The following AMACR variants were observed in gnomAD, a reference collection of about 807,000 sequenced individuals.
The protein encoded by AMACR is alpha-methylacyl-CoA racemase.
Under a neutral mutation model 22.2 loss-of-function variants are expected in AMACR, and 18 were observed. That is an observed-to-expected ratio of 0.81 (90% CI 0.56 to 1.20). The LOEUF (loss-of-function observed/expected upper bound fraction) is 1.20, where lower values mean the gene tolerates loss of function less well. AMACR is among the 50% of genes most tolerant of loss of function. The pLI is 0.00. For missense variants in AMACR, 499 were observed against 490.6 expected (o/e 1.02, Z -0.16); for synonymous variants, 213 against 191.3 (o/e 1.11, Z -0.94).
In AMACR at chr5:33,989,036, T is replaced by A. The variant is rs1579569628; in HGVS notation, c.*57A>T. The A allele has an allele frequency of 6.2e-7, 1 of 1,611,094 alleles. No individual in the cohort carries two copies. Among genetic ancestry groups the A allele is most frequent in the Non-Finnish European group, 8.5e-7 (1 of 1,178,832 alleles). ...ATGTTTCCATGCATACAATGTTATG[T>A]GTTACTCTACACTGTAAATGCAGTA... On this transcript the variant is annotated 3_prime_UTR_variant, in exon 5 of 5. Transcript: ENST00000335606.
intron 4 of AMACR, among the ~76,000 whole-genome samples, chr5:33,989,886 A>C (rs1328627700): frequency 6.6e-6 from 1 of 152,258 alleles, no homozygotes; most frequent in Non-Finnish European, 1.5e-5. Flanking sequence ...CCTTATAAAA[A>C]AATAAAATAT....
At chr5:33,995,713 C>A (rs576471505) in intron 4 of AMACR, among the ~76,000 whole-genome samples, 1 of 152,234 alleles carries the variant, frequency 6.6e-6, no homozygotes, top group East Asian at 1.9e-4. Context: ...CAGGATACAC[C>A]AAGGAAGGGA....
In AMACR at chr5:33,988,050, C is replaced by T. The variant is rs981381796; in HGVS notation, c.*1043G>A. On this transcript the variant is annotated 3_prime_UTR_variant, in exon 5 of 5. Transcript: ENST00000335606. ...TTGTTGAACGGCAGTTGAGATACTG[C>T]GCAGAATGGACCTTATTGATGGCCT... The T allele has an allele frequency of 3.4e-5, 11 of 323,240 alleles. No individual in the cohort carries two copies. Among genetic ancestry groups the T allele is most frequent in the South Asian group, 1.0e-4 (1 of 9,814 alleles). 20.0% of individuals were successfully genotyped at this position (323,240 alleles called of 1,614,324 possible).
Position 33,989,431 on chromosome 5 carries a change from ACTT to A in AMACR, c.808_810del (p.Lys270del), listed in dbSNP as rs926526433. 7 of 1,614,004 alleles carry A rather than the reference ACTT, an allele frequency of 4.3e-6. No individual in the cohort carries two copies. Among genetic ancestry groups the A allele is most frequent in the African/African-American group, 2.7e-5 (2 of 74,900 alleles). ...GTCTTCTCTGCAAATACATCTGCAA[ACTT>A]CTTCTTCATTTCTGGCCAATCATCC... On this transcript the variant is annotated inframe_deletion, in exon 5 of 5. Transcript: ENST00000335606.
Position 33,988,468 on chromosome 5 carries a change from C to A in AMACR, c.*625G>T. 6.6e-7 allele frequency: 1 copy of A among 1,509,854 alleles called. No homozygotes were observed. Among genetic ancestry groups the A allele is most frequent in the South Asian group, 1.3e-5 (1 of 79,508 alleles). 93.5% of individuals were successfully genotyped at this position (1,509,854 alleles called of 1,614,324 possible). ...ACAGGCAACCCTAAAACTGACTGTC[C>A]CTCTGGACTCTACGTAGTGAGCCAA... On this transcript the variant is annotated 3_prime_UTR_variant, in exon 5 of 5. Coordinates refer to ENST00000335606, the MANE Select transcript of AMACR (RefSeq NM_014324.6).
rs567350158 is a variant in AMACR, at chr5:34,000,818, A to G, written c.553-1991T>C. On this transcript the variant is annotated intron_variant, in intron 3 of 4. Coordinates refer to ENST00000335606, the MANE Select transcript of AMACR (RefSeq NM_014324.6). ...TTCCAGTGTTTGTGTTTAGCAGAAC[A>G]GCTTCGTTGGTCTGACAAAATAATA... is the stretch of plus-strand genomic sequence containing the variant. Among the ~76,000 whole-genome samples the G allele has an allele frequency of 1.1e-4, 17 of 152,374 alleles. No homozygotes were observed. In the South Asian group the frequency reaches 3.3e-3, roughly 30 times the overall value.
intron 4 of AMACR, among the ~76,000 whole-genome samples, chr5:33,994,780 CA>C (rs1753588241): frequency 6.6e-6 from 1 of 152,088 alleles, no homozygotes; most frequent in South Asian, 2.1e-4. Context: ...AGGGGAGTTA[CA>C]AAGTTTAAAC....
At chr5:33,994,288 C>T (rs750667384) in intron 4 of AMACR, among the ~76,000 whole-genome samples, 29 of 152,142 alleles carry the variant, frequency 1.9e-4, no homozygotes, top group Non-Finnish European at 2.9e-4. Context: ...AAGTGATTCT[C>T]GTGCCTCAGC....
At position 33,988,978 on chromosome 5, in the gene AMACR, T is replaced by TTTTTTTTTTTTTTTTTTA; in HGVS notation, c.*114_*115insTAAAAAAAAAAAAAAAAA. ...CAGAGTCTGTAATTCTTTTCTTGAT[T>TTTTTTTTTTTTTTTTTTA]AGAGTGGTAGGACACTGTAATACTG... is the stretch of plus-strand genomic sequence containing the variant. On this transcript the variant is annotated 3_prime_UTR_variant, in exon 5 of 5. Coordinates refer to ENST00000335606, the MANE Select transcript of AMACR (RefSeq NM_014324.6). 6.5e-7 allele frequency: 1 copy of TTTTTTTTTTTTTTTTTTA among 1,533,610 alleles called. No homozygotes were observed. The highest frequency in any genetic ancestry group is 1.2e-5 in the South Asian group (1 of 81,526).
rs1012952543 is a variant in AMACR at position 33,988,800 on chromosome 5, T to C, written c.*293A>G. On this transcript the variant is annotated 3_prime_UTR_variant, in exon 5 of 5. Transcript: ENST00000335606. The stretch of plus-strand genomic sequence containing the variant: ...TCATTCCTTTTTCACTAGAACCCAT[T>C]CAAAATATAAGTCAAGAATCTTAAT... The C allele has an allele frequency of 1.6e-6, 2 of 1,263,072 alleles. No homozygotes were observed. The highest frequency in any genetic ancestry group is 2.0e-6 in the Non-Finnish European group (2 of 1,000,734). The allele number at this position is 1,263,072 out of a possible 1,614,324, so 78.2% of individuals were successfully genotyped here.
intron 4 of AMACR, among the ~76,000 whole-genome samples, chr5:33,991,914 TA>T (rs971507773): frequency 1.1e-4 from 17 of 152,064 alleles, no homozygotes; most frequent in African/African-American, 3.9e-4. Context: ...AGTCTCACAC[TA>T]TTGCCTGGGC....
rs1753543247 is a variant in AMACR, at chr5:33,993,440, TA to T, written c.740-3939del. Among the ~76,000 whole-genome samples the T allele has an allele frequency of 3.3e-5, 5 of 152,200 alleles. No homozygotes were observed. In the South Asian group the frequency reaches 1.0e-3, roughly 32 times the overall value. ...CCTCCAATTCTTTTGGTTATATACT[TA>T]GAAGTGGAATTGCTAGATCATACAA... On this transcript the variant is annotated intron_variant, in intron 4 of 4. Transcript: ENST00000335606.
intron 4 of AMACR, chr5:33,994,064 T>A (rs1207876934): frequency 2.2e-6 from 1 of 456,112 alleles, no homozygotes; most frequent in Non-Finnish European, 4.4e-6. Context: ...CTTAAAAAGA[T>A]TTTGCATACT....
chr5:33,988,518 T>C lies in AMACR; in HGVS notation c.*575A>G. The C allele has an allele frequency of 4.3e-6, 6 of 1,404,546 alleles. No homozygotes were observed. The highest frequency in any genetic ancestry group is 2.9e-5 in the Admixed American group (1 of 34,334). The allele number at this position is 1,404,546 out of a possible 1,614,324, so 87.0% of individuals were successfully genotyped here. A position where few individuals can be genotyped will look rare whatever the true frequency, so the allele number is the denominator to read the frequency against. On this transcript the variant is annotated 3_prime_UTR_variant, in exon 5 of 5. Coordinates refer to ENST00000335606, the MANE Select transcript of AMACR (RefSeq NM_014324.6). The stretch of plus-strand genomic sequence containing the variant: ...ACACATTTCCTCATTATTTTGGATA[T>C]GTTTTTTTCAGTTGAAGGCATTCTG...
intron 4 of AMACR, 113 bp from the exon 5 acceptor site, chr5:33,989,615 C>T: frequency 1.1e-6 from 1 of 889,844 alleles, no homozygotes; most frequent in Non-Finnish European, 1.8e-6. Context: ...TCTATAAGGG[C>T]TTCTCAAATG....
At position 33,989,241 on chromosome 5, in the gene AMACR, G is replaced by C; in HGVS notation, c.1001C>G (p.Thr334Ser). The change falls in exon 5 of 5, where the codon ACC becomes AGC. Residue 334 changes from threonine (T) to serine (S), a missense_variant. Transcript: ENST00000335606. Reference protein sequence around the residue: ...SPRPAPLLLNTPAIPSFKRDP... With the variant: ...SPRPAPLLLNSPAIPSFKRDP... ...CCTTTTGAAAGAAGGGATGGCTGGG[G>C]TGTTTAACAGCAGAGGTGCAGGGCG... is the stretch of plus-strand genomic sequence containing the variant. The C allele has an allele frequency of 6.2e-7, 1 of 1,614,134 alleles. No individual in the cohort carries two copies. The highest frequency in any genetic ancestry group is 8.5e-7 in the Non-Finnish European group (1 of 1,180,034).
At chr5:33,998,508 A>C in intron 4 of AMACR, 133 bp downstream of exon 4, 1 of 852,002 alleles carries the variant, frequency 1.2e-6, no homozygotes, top group Non-Finnish European at 1.8e-6. Flanking sequence ...CATTATATTG[A>C]TGGCTATAAT....
rs1355475434 is a variant in AMACR, at chr5:33,986,647, G to C, written c.*2446C>G. 3.3e-5 allele frequency: 5 copies of C among 152,304 alleles called. No homozygotes were observed. Among genetic ancestry groups the C allele is most frequent in the Non-Finnish European group, 7.4e-5 (5 of 68,024 alleles). 9.4% of individuals were successfully genotyped at this position (152,304 alleles called of 1,614,324 possible). A position where few individuals can be genotyped will look rare whatever the true frequency, so the allele number is the denominator to read the frequency against. On this transcript the variant is annotated 3_prime_UTR_variant, in exon 5 of 5. Coordinates refer to ENST00000335606, the MANE Select transcript of AMACR (RefSeq NM_014324.6). ...TAGATTTGGCTAATGGGAGACACTG[G>C]TAGGAAGACTAGGGGAGAGAGAGAA... is the stretch of plus-strand genomic sequence containing the variant.
chr5:33,991,011 T>C lies in AMACR; in HGVS notation c.740-1509A>G, dbSNP rs13357227. Among the ~76,000 whole-genome samples the C allele has an allele frequency of 2.5e-3, 371 of 151,190 alleles. 4 individuals carry two copies. The highest frequency in any genetic ancestry group is 8.6e-3 in the African/African-American group (358 of 41,390). On this transcript the variant is annotated intron_variant, in intron 4 of 4. Coordinates refer to ENST00000335606, the MANE Select transcript of AMACR (RefSeq NM_014324.6). ...TCTTTCTTGATTGCCCTGAACTCTG[T>C]GAGTGAAAGGCACATAAAATGAGCA... is the stretch of plus-strand genomic sequence containing the variant.
Sources: allele counts gnomAD v4.1 joint callset (sites outside exome capture counted in the v4.1 genomes callset), GRCh38; gene constraint gnomAD v4.1.1; transcripts MANE v1.5; gene names NCBI Gene and HGNC (gene_info 2026-07-23, HGNC 2026-07-21).